The following SMAD4 variants were observed in gnomAD, a reference collection of about 807,000 sequenced individuals.
SMAD4 encodes the protein MAD homolog 4.
A neutral mutation model predicts 63.2 loss-of-function variants in SMAD4; 7 were observed. The observed-to-expected ratio is 0.11, with a 90% CI of 0.06 to 0.21. The LOEUF (loss-of-function observed/expected upper bound fraction) is 0.21. Among genes scored for constraint, SMAD4 ranks in the 10% least tolerant of loss-of-function variants. The pLI, the probability that SMAD4 is intolerant of heterozygous loss-of-function variation, is 1.00. For missense variants in SMAD4, 312 were observed against 693.8 expected, an observed-to-expected ratio of 0.45 and a Z score of 6.18; for synonymous variants, 215 against 235.4, an observed-to-expected ratio of 0.91 and a Z score of 0.79.
intron 4 of SMAD4, chr18:51,053,381 TG>T (rs1263974304): frequency 6.6e-6 from 1 of 152,188 alleles, no homozygotes; most frequent in African/African-American, 2.4e-5. Flanking sequence ...ATACCAATTT[TG>T]TGCCCCAAAC....
Position 51,084,096 on chromosome 18 carries a change from GCA to G in SMAD4, c.*5639_*5640del, listed in dbSNP as rs368759758. The G allele has an allele frequency of 1.9e-3, 437 of 230,696 alleles. 3 individuals are homozygous for G. Among genetic ancestry groups the G allele is most frequent in the African/African-American group, 8.5e-3 (383 of 44,982 alleles). The allele number at this position is 230,696 out of a possible 1,614,324, so 14.3% of individuals were successfully genotyped here. On this transcript the variant is annotated 3_prime_UTR_variant, in exon 12 of 12. Transcript: ENST00000342988. ...TGACATTCTAGCTTTTGAATTGCGT[GCA>G]CACACACACGCACGCACACACTCTG...
chr18:51,082,105 T>A lies in SMAD4; in HGVS notation c.*3638T>A. On this transcript the variant is annotated 3_prime_UTR_variant, in exon 12 of 12. Coordinates refer to ENST00000342988, the MANE Select transcript of SMAD4 (RefSeq NM_005359.6). ...GGCATTTTATTTAATGATAGCAGAT[T>A]GGGAAAATGGCAAATTTAGGTTACG... The A allele has an allele frequency of 8.7e-6, 2 of 230,094 alleles. No individual in the cohort carries two copies. Among genetic ancestry groups the A allele is most frequent in the Non-Finnish European group, 1.7e-5 (2 of 116,180 alleles). The allele number at this position is 230,094 out of a possible 1,614,324, so 14.3% of individuals were successfully genotyped here.
At chr18:51,040,119 TC>T (rs945573689) in intron 1 of SMAD4, among the ~76,000 whole-genome samples, 1 of 152,082 alleles carries the variant, frequency 6.6e-6, no homozygotes, top group African/African-American at 2.4e-5. Flanking sequence ...TTTTTTCTCC[TC>T]CCCTAGTTAA....
intron 8 of SMAD4, 103 bp from the exon 9 acceptor site, chr18:51,065,320 C>T (rs557593082): frequency 1.1e-5 from 10 of 923,982 alleles, no homozygotes; most frequent in African/African-American, 8.1e-5. Flanking sequence ...TCCATCTCCC[C>T]TCCCTTTACC....
At chr18:51,048,583 G>A (rs1909614270) in intron 2 of SMAD4, 103 bp from the exon 3 acceptor site, 2 of 996,990 alleles carry the variant, frequency 2.0e-6, no homozygotes, top group African/African-American at 1.6e-5. Context: ...TATGAAATGG[G>A]GATTGTAATA....
intron 1 of SMAD4, among the ~76,000 whole-genome samples, chr18:51,031,596 CAT>C (rs1014385541): frequency 6.6e-6 from 1 of 152,158 alleles, no homozygotes; most frequent in South Asian, 2.1e-4. Context: ...TTTCTGCAAA[CAT>C]ATAATCTTAG....
At chr18:51,065,798 A>G (rs1910134023) in intron 9 of SMAD4, among the ~76,000 whole-genome samples, 192 bp downstream of exon 9, 1 of 152,230 alleles carries the variant, frequency 6.6e-6, no homozygotes, top group South Asian at 2.1e-4. Flanking sequence ...TTTAACATAT[A>G]ATGATAAAAG....
chr18:51,061,154 T>C (rs913868009), intron 8 of SMAD4, among the ~76,000 whole-genome samples: 5 of 152,322 alleles, frequency 3.3e-5, no homozygotes, highest in African/African-American at 1.2e-4. Flanking sequence ...ATATAATGCA[T>C]GATAATCACA....
intron 1 of SMAD4, among the ~76,000 whole-genome samples, chr18:51,032,855 ATGT>A (rs1220422888): frequency 2.6e-5 from 4 of 152,090 alleles, no homozygotes; most frequent in Admixed American, 6.5e-5. Flanking sequence ...TGGTGAAAAC[ATGT>A]TGTTTTGTCG....
chr18:51,079,143 CCAGA>C lies in SMAD4; in HGVS notation c.*679_*682del, dbSNP rs1265325146. ...GTATATTGAGAATCCCTTAAAATTA[CCAGA>C]CAAAAAAATTTAAAATTACGTTTGT... On this transcript the variant is annotated 3_prime_UTR_variant, in exon 12 of 12. Coordinates refer to ENST00000342988, the MANE Select transcript of SMAD4 (RefSeq NM_005359.6). 8.6e-6 allele frequency: 2 copies of C among 232,700 alleles called. No homozygotes were observed. Among genetic ancestry groups the C allele is most frequent in the African/African-American group, 2.2e-5 (1 of 45,310 alleles). The allele number at this position is 232,700 out of a possible 1,614,324, so 14.4% of individuals were successfully genotyped here. A position where few individuals can be genotyped will look rare whatever the true frequency, so the allele number is the denominator to read the frequency against.
chr18:51,055,097 A>G (rs1909808508), intron 5 of SMAD4, 104 bp downstream of exon 5: 2 of 833,698 alleles, frequency 2.4e-6, no homozygotes, highest in African/African-American at 1.7e-5. Flanking sequence ...AAACATTAAA[A>G]GTAACTGTAG....
intron 7 of SMAD4, among the ~76,000 whole-genome samples, chr18:51,058,680 C>T (rs1258053094): frequency 6.6e-6 from 1 of 152,052 alleles, no homozygotes; most frequent in Non-Finnish European, 1.5e-5. Context: ...TTCTCTGTTG[C>T]TAATGTTTCA....
At position 51,079,518 on chromosome 18, in the gene SMAD4, CTT is replaced by C. The variant is rs541221575; in HGVS notation, c.*1057_*1058del. The C allele has an allele frequency of 2.9e-4, 68 of 233,216 alleles. No individual in the cohort carries two copies. In the South Asian group the frequency reaches 0.011, roughly 36 times the overall value. 14.4% of individuals were successfully genotyped at this position (233,216 alleles called of 1,614,324 possible). On this transcript the variant is annotated 3_prime_UTR_variant, in exon 12 of 12. Transcript: ENST00000342988. The stretch of plus-strand genomic sequence containing the variant: ...TATTTTTGTACTTGATTTGATGTGA[CTT>C]TTTTTGGTATAATGTTTAAATCATG...
chr18:51,051,297 G>A (rs1909705112), intron 4 of SMAD4: 1 of 451,912 alleles, frequency 2.2e-6, no homozygotes, highest in African/African-American at 2.0e-5. Flanking sequence ...ATTCAGCCTT[G>A]TAGATCCCCC....
At chr18:51,033,742 T>G (rs533526685) in intron 1 of SMAD4, among the ~76,000 whole-genome samples, 49 of 152,328 alleles carry the variant, frequency 3.2e-4, no homozygotes, top group South Asian at 1.0e-3. Flanking sequence ...AATGGGAAAT[T>G]TGACTGAATT....
chr18:51,073,382 TATATATACACACACACAC>T (rs1163580995), intron 10 of SMAD4, among the ~76,000 whole-genome samples: 4 of 88,102 alleles, frequency 4.5e-5, no homozygotes, highest in African/African-American at 1.3e-4. Context: ...TATATATATA[TATATATACACACACACAC>T]ACACACACAC....
chr18:51,031,411 A>G (rs1057309305), intron 1 of SMAD4, among the ~76,000 whole-genome samples: 1 of 152,244 alleles, frequency 6.6e-6, no homozygotes, highest in South Asian at 2.1e-4. Flanking sequence ...TTGAAGATTG[A>G]TAGCTGTTTC....
intron 1 of SMAD4, among the ~76,000 whole-genome samples, chr18:51,034,993 C>T (rs1023657245): frequency 6.6e-6 from 1 of 152,176 alleles, no homozygotes; most frequent in Non-Finnish European, 1.5e-5. Context: ...CATTAGGGTC[C>T]TCTGACTTTT....
intron 8 of SMAD4, among the ~76,000 whole-genome samples, chr18:51,062,209 A>T (rs549268339): frequency 3.3e-5 from 5 of 152,322 alleles, no homozygotes; most frequent in African/African-American, 1.2e-4. Context: ...TTGTGATTTT[A>T]AACATTTTTG....
Sources: allele counts gnomAD v4.1 joint callset (sites outside exome capture counted in the v4.1 genomes callset), GRCh38; gene constraint gnomAD v4.1.1; transcripts MANE v1.5; gene names NCBI Gene and HGNC (gene_info 2026-07-23, HGNC 2026-07-21).